The following SUSD1 variants were observed in gnomAD, a reference collection of about 807,000 sequenced individuals.
The protein encoded by SUSD1 is sushi domain-containing protein 1.
SUSD1 carries 65 observed loss-of-function variants against 86.9 expected under a neutral mutation model. The ratio of observed to expected loss-of-function variants is 0.75; its 90% CI spans 0.61 to 0.92. SUSD1 has a LOEUF of 0.92. Among genes scored for constraint, SUSD1 ranks in the 40% least tolerant of loss-of-function variants. The pLI, the probability that SUSD1 is intolerant of heterozygous loss-of-function variation, is 0.00. For missense variants in SUSD1, 850 were observed against 929.7 expected (o/e 0.91, Z 1.11); for synonymous variants, 346 against 350.0 (o/e 0.99, Z 0.13).
intron 5 of SUSD1, among the ~76,000 whole-genome samples, chr9:112,138,270 T>TATATATATGTATATACAC (rs1832393665): frequency 7.6e-6 from 1 of 131,144 alleles, no homozygotes; most frequent in African/African-American, 2.8e-5. Flanking sequence ...TATATACATA[T>TATATATATGTATATACAC]ATATATATAT....
At chr9:112,149,522 A>G (rs553327874) in intron 2 of SUSD1, 123 bp from the exon 3 acceptor site, 33 of 1,110,360 alleles carry the variant, frequency 3.0e-5, no homozygotes, top group Non-Finnish European at 4.2e-5. Flanking sequence ...TTAGTGATCT[A>G]TTTCTCCAGC....
intron 13 of SUSD1, among the ~76,000 whole-genome samples, chr9:112,060,495 C>A (rs1048230287): frequency 7.2e-5 from 11 of 152,198 alleles, no homozygotes; most frequent in Non-Finnish European, 1.5e-5. Context: ...GAACTCCTGA[C>A]CTCTTTAGCT....
At chr9:112,064,104 G>A (rs1392803274) in intron 12 of SUSD1, among the ~76,000 whole-genome samples, 1 of 151,826 alleles carries the variant, frequency 6.6e-6, no homozygotes, top group East Asian at 1.9e-4. Context: ...CCACCTCCCA[G>A]TCCTACTGTC....
intron 15 of SUSD1, among the ~76,000 whole-genome samples, chr9:112,044,325 A>G (rs1827866555): frequency 6.6e-6 from 1 of 152,146 alleles, no homozygotes; most frequent in African/African-American, 2.4e-5. Context: ...TCTGAACACC[A>G]CCACTGCCTG....
chr9:112,090,419 A>G (rs1830159038), intron 10 of SUSD1, among the ~76,000 whole-genome samples: 1 of 152,204 alleles, frequency 6.6e-6, no homozygotes, highest in Non-Finnish European at 1.5e-5. Context: ...AATTTGATGG[A>G]TTCTACCAAA....
At chr9:112,085,992 A>G (rs979742310) in intron 10 of SUSD1, among the ~76,000 whole-genome samples, 1 of 152,110 alleles carries the variant, frequency 6.6e-6, no homozygotes, top group African/African-American at 2.4e-5. Flanking sequence ...AGGAAAATAG[A>G]AAACATTACA....
intron 6 of SUSD1, among the ~76,000 whole-genome samples, chr9:112,118,806 C>A (rs374622817): frequency 3.9e-5 from 6 of 152,108 alleles, no homozygotes; most frequent in African/African-American, 9.7e-5. Context: ...TTTATCTGTT[C>A]GTTATGTATC....
chr9:112,172,364 C>G (rs1468006534), intron 1 of SUSD1, among the ~76,000 whole-genome samples: 1 of 152,154 alleles, frequency 6.6e-6, no homozygotes, highest in African/African-American at 2.4e-5. Context: ...GGCTTCCCAT[C>G]TCCTAGTTTC....
chr9:112,051,026 A>C (rs900349661), intron 15 of SUSD1, among the ~76,000 whole-genome samples: 29 of 152,208 alleles, frequency 1.9e-4, no homozygotes, highest in Non-Finnish European at 3.2e-4. Flanking sequence ...CAAGTGACCC[A>C]TTCTGCTGCC....
intron 12 of SUSD1, among the ~76,000 whole-genome samples, chr9:112,074,588 G>T (rs971481503): frequency 3.4e-4 from 51 of 152,182 alleles, no homozygotes; most frequent in African/African-American, 1.1e-3. Flanking sequence ...AAGACACTCA[G>T]AAGGGAAATT....
At chr9:112,100,422 G>A (rs10981259) in intron 9 of SUSD1, among the ~76,000 whole-genome samples, 8,540 of 151,954 alleles carry the variant, frequency 0.056, 607 homozygotes, top group African/African-American at 0.16. Flanking sequence ...TCCTGACCTC[G>A]TGATCCACCC....
rs1197439193 is a variant in SUSD1 at position 112,080,046 on chromosome 9, A to G, written c.1566+28T>C. The G allele has an allele frequency of 5.9e-6, 9 of 1,538,020 alleles. No homozygotes were observed. In the Admixed American group the frequency reaches 1.5e-4, roughly 26 times the overall value. ...AGCCTCCCACATAAGACAACCATCT[A>G]TAAATACAGTAACTTTCAGTCACTT... On this transcript the variant is annotated intron_variant, in intron 11 of 16. Coordinates refer to ENST00000374270, the MANE Select transcript of SUSD1 (RefSeq NM_022486.5).
intron 6 of SUSD1, among the ~76,000 whole-genome samples, chr9:112,115,814 A>G (rs116954791): frequency 1.0e-4 from 2 of 19,260 alleles, no homozygotes; most frequent in East Asian, 5.6e-3. Context: ...ATTGCAAAAA[A>G]AAAAAAAAAG....
chr9:112,122,143 TG>T (rs2131680746), intron 6 of SUSD1, among the ~76,000 whole-genome samples: 1 of 152,298 alleles, frequency 6.6e-6, no homozygotes, highest in Admixed American at 6.5e-5. Flanking sequence ...TATATGGCAT[TG>T]CTAGAATATG....
At position 112,058,462 on chromosome 9, in the gene SUSD1, C is replaced by T. The variant is rs983143003; in HGVS notation, c.2075G>A (p.Cys692Tyr). ...NAPLKRGSDY[C>Y]IILRITSEWN... ...TTCACTTGTGATTCGTAATATAATG[C>T]AGTAATCACTCCCTCTTTTCAAGGG... The change falls in exon 14 of 17, where the codon TGC becomes TAC. Residue 692 changes from cysteine (C) to tyrosine (Y), a missense_variant. By Grantham distance (194) the Cys-to-Tyr change is radical. Transcript: ENST00000374270. 20 of 1,613,978 alleles carry T rather than the reference C, an allele frequency of 1.2e-5. No homozygotes were observed. Among genetic ancestry groups the T allele is most frequent in the Non-Finnish European group, 1.6e-5 (19 of 1,179,994 alleles).
chr9:112,049,656 G>A (rs10981231), intron 15 of SUSD1, among the ~76,000 whole-genome samples: 11,793 of 152,222 alleles, frequency 0.077, 754 homozygotes, highest in East Asian at 0.25. Flanking sequence ...TTTAGATCTC[G>A]GTTCTCTGCA....
chr9:112,055,068 T>C (rs1828388647), intron 14 of SUSD1, among the ~76,000 whole-genome samples: 1 of 152,210 alleles, frequency 6.6e-6, no homozygotes, highest in Admixed American at 6.5e-5. Context: ...AATGGCCGAT[T>C]AGCCCATGAA....
chr9:112,053,701 T>G (rs1265551906), intron 14 of SUSD1, among the ~76,000 whole-genome samples: 2 of 152,076 alleles, frequency 1.3e-5, no homozygotes, highest in African/African-American at 4.8e-5. Context: ...AGCAAGGCCA[T>G]TTGGGGGAAT....
At chr9:112,106,518 T>C (rs986964996) in intron 8 of SUSD1, among the ~76,000 whole-genome samples, 1 of 151,546 alleles carries the variant, frequency 6.6e-6, no homozygotes, top group African/African-American at 2.4e-5. Context: ...GAGAGAGAAA[T>C]AGAGATAGAG....
Sources: allele counts gnomAD v4.1 joint callset (sites outside exome capture counted in the v4.1 genomes callset), GRCh38; gene constraint gnomAD v4.1.1; transcripts MANE v1.5; gene names NCBI Gene and HGNC (gene_info 2026-07-23, HGNC 2026-07-21).